TTC7B: variants seen among roughly 807,000 people sequenced by gnomAD.
TTC7B encodes the protein tetratricopeptide repeat protein 7B.
A neutral mutation model predicts 106.8 loss-of-function variants in TTC7B; 28 were observed. That is an observed-to-expected ratio of 0.26 (90% CI 0.19 to 0.36). TTC7B has a LOEUF of 0.36. Ranked by LOEUF, TTC7B falls within the 10% of genes least tolerant of loss-of-function variation. The pLI, the probability that TTC7B is intolerant of heterozygous loss-of-function variation, is 1.00. For synonymous variants in TTC7B, 405 were observed against 430.6 expected (o/e 0.94, Z 0.74); for missense variants, 862 against 1,076.4 (o/e 0.80, Z 2.79).
At chr14:90,556,042 C>T (rs4900045) in intron 19 of TTC7B, among the ~76,000 whole-genome samples, 47,426 of 152,184 alleles carry the variant, frequency 0.31, 8,748 homozygotes, top group Admixed American at 0.42. Context: ...GGAGCGCCAG[C>T]GCAAGCACCT....
chr14:90,704,552 G>A (rs368371409), intron 5 of TTC7B, among the ~76,000 whole-genome samples: 29 of 152,262 alleles, frequency 1.9e-4, no homozygotes, highest in African/African-American at 5.3e-4. Context: ...CTCCTATGAC[G>A]CAAAACAAAG....
intron 3 of TTC7B, among the ~76,000 whole-genome samples, chr14:90,752,350 T>C (rs1890163505): frequency 6.6e-6 from 1 of 152,032 alleles, no homozygotes; most frequent in South Asian, 2.1e-4. Context: ...AGACCCCATC[T>C]CTACAAAAAA....
intron 2 of TTC7B, among the ~76,000 whole-genome samples, chr14:90,783,573 T>A (rs1264759396): frequency 2.6e-5 from 4 of 152,186 alleles, no homozygotes; most frequent in Non-Finnish European, 5.9e-5. Context: ...TCAGAGAGGT[T>A]AAGTAACGTC....
chr14:90,692,472 AG>A (rs1362193916), intron 6 of TTC7B, among the ~76,000 whole-genome samples: 4 of 152,244 alleles, frequency 2.6e-5, no homozygotes, highest in African/African-American at 9.6e-5. Flanking sequence ...ATAGTTTTTA[AG>A]GCTGATGGAA....
intron 3 of TTC7B, among the ~76,000 whole-genome samples, chr14:90,777,934 A>G (rs544770362): frequency 1.2e-4 from 18 of 152,338 alleles, no homozygotes; most frequent in Non-Finnish European, 2.2e-4. Flanking sequence ...TATCTCATGC[A>G]GTCCTCGTGA....
At chr14:90,710,174 T>C (rs781541321) in intron 5 of TTC7B, among the ~76,000 whole-genome samples, 1 of 151,996 alleles carries the variant, frequency 6.6e-6, no homozygotes, top group Non-Finnish European at 1.5e-5. Context: ...TTGGAATAAA[T>C]TGTTTCTAGC....
intron 19 of TTC7B, among the ~76,000 whole-genome samples, chr14:90,553,795 G>A (rs906814778): frequency 6.6e-6 from 1 of 152,222 alleles, no homozygotes; most frequent in Non-Finnish European, 1.5e-5. Flanking sequence ...CTCCTCGAAG[G>A]AGACCTGGCT....
chr14:90,647,683 G>A (rs1566816800), intron 13 of TTC7B, among the ~76,000 whole-genome samples: 3 of 152,118 alleles, frequency 2.0e-5, no homozygotes, highest in Admixed American at 2.0e-4. Flanking sequence ...AGACAGGAAG[G>A]GACCATACTG....
At chr14:90,700,450 G>A (rs981199900) in intron 5 of TTC7B, among the ~76,000 whole-genome samples, 1 of 151,846 alleles carries the variant, frequency 6.6e-6, no homozygotes, top group East Asian at 2.0e-4. Context: ...AAGGCCCCCT[G>A]TGTACCCACC....
intron 17 of TTC7B, among the ~76,000 whole-genome samples, chr14:90,597,065 G>A (rs141127054): frequency 4.6e-5 from 7 of 152,210 alleles, no homozygotes; most frequent in African/African-American, 9.6e-5. Flanking sequence ...TTCCCCTAAC[G>A]TAAAATTAAA....
At chr14:90,644,320 A>G (rs1047354492) in intron 14 of TTC7B, 112 bp from the exon 15 acceptor site, 2 of 1,109,502 alleles carry the variant, frequency 1.8e-6, no homozygotes, top group African/African-American at 1.6e-5. Context: ...GCTTCTCTTC[A>G]AATATTGAGT....
rs542453396 is a variant in TTC7B at position 90,600,531 on chromosome 14, C to T, written c.1967-6905G>A. On this transcript the variant is annotated intron_variant, in intron 17 of 19. Transcript: ENST00000328459. This position sits in a 1 kb window ranked among gnomAD's most constrained non-coding sequence, Gnocchi z 4.3. ...GTGAAAAAAGGATTAAGACTCATAG[C>T]CCCAAGACGGGATCAGTTTCCCACT... Among the ~76,000 whole-genome samples the T allele has an allele frequency of 3.3e-5, 5 of 152,332 alleles. No homozygotes were observed. The East Asian group carries it at 9.7e-4, about 29-fold the overall frequency.
intron 5 of TTC7B, among the ~76,000 whole-genome samples, chr14:90,723,095 C>T (rs555993444): frequency 6.6e-6 from 1 of 152,336 alleles, no homozygotes; most frequent in African/African-American, 2.4e-5. Flanking sequence ...TTAAACCTAA[C>T]ATGCCAAAGG....
intron 10 of TTC7B, 160 bp downstream of exon 10, chr14:90,658,144 A>G (rs759391520): frequency 1.3e-4 from 82 of 644,804 alleles, no homozygotes; most frequent in Non-Finnish European, 2.1e-4. Context: ...CTCCCCAAAC[A>G]ATTAAATCTG....
chr14:90,762,576 G>A (rs1460461335), intron 3 of TTC7B, among the ~76,000 whole-genome samples: 1 of 152,124 alleles, frequency 6.6e-6, no homozygotes, highest in Non-Finnish European at 1.5e-5. Context: ...AAAAAAATAG[G>A]ACTTATCCAC....
intron 1 of TTC7B, among the ~76,000 whole-genome samples, chr14:90,786,922 T>C (rs1033939716): frequency 5.9e-5 from 9 of 151,922 alleles, no homozygotes; most frequent in Admixed American, 1.3e-4. Context: ...TCAAGTTCAG[T>C]AGGAAAAAAA....
Position 90,816,262 on chromosome 14 carries a change from T to C in TTC7B, c.34A>G (p.Thr12Ala). The C allele has an allele frequency of 1.6e-6, 2 of 1,241,934 alleles. No homozygotes were observed. The highest frequency in any genetic ancestry group is 2.1e-6 in the Non-Finnish European group (2 of 961,878). The allele number at this position is 1,241,934 out of a possible 1,614,324, so 76.9% of individuals were successfully genotyped here. A position where few individuals can be genotyped will look rare whatever the true frequency, so the allele number is the denominator to read the frequency against. The stretch of plus-strand genomic sequence containing the variant: ...TCGGAGCGGCAGCGCTCGATCTCCG[T>C]CTCCAGCCGCGAGCCTGCCTTCTTG... ...ATKKAGSRLE[T>A]EIERCRSECQ... The change falls in exon 1 of 20, where the codon ACG (threonine) becomes GCG (alanine). Residue 12 changes from threonine (T) to alanine (A), a missense_variant. By Grantham distance (58) the Thr-to-Ala change is moderately conservative. Coordinates refer to ENST00000328459, the MANE Select transcript of TTC7B (RefSeq NM_001010854.2).
intron 11 of TTC7B, among the ~76,000 whole-genome samples, chr14:90,656,444 G>T (rs552170058): frequency 2.7e-4 from 41 of 152,292 alleles, no homozygotes; most frequent in South Asian, 1.0e-3. Flanking sequence ...TACTAGAATT[G>T]TTACAAATCA....
chr14:90,791,993 C>A (rs1006551633), intron 1 of TTC7B, among the ~76,000 whole-genome samples: 2 of 152,158 alleles, frequency 1.3e-5, no homozygotes, highest in Admixed American at 1.3e-4. Context: ...GGAAACACCC[C>A]ATCAACCTCA....
Sources: gnomAD v4.1 joint callset for allele counts (sites outside exome capture counted in the v4.1 genomes callset) on GRCh38, gnomAD v4.1.1 for gene constraint, Gnocchi (gnomAD v3.1) non-coding constraint, MANE v1.5 for transcripts, NCBI Gene and HGNC (gene_info 2026-07-23, HGNC 2026-07-21) for gene names.